Variants in KCTD20 observed in about 807,000 individuals in gnomAD.
The protein encoded by KCTD20 is BTB/POZ domain-containing protein KCTD20.
In KCTD20, 30 loss-of-function variants were observed where a neutral mutation model predicts 39.6. The observed-to-expected ratio is 0.76, with a 90% CI of 0.57 to 1.03. The LOEUF is 1.03. Ranked by LOEUF, KCTD20 falls within the 50% of genes least tolerant of loss-of-function variation. The probability of loss-of-function intolerance (pLI) is 0.00; values close to 1 mark genes in which losing one functional copy is unlikely to be tolerated. For synonymous variants in KCTD20, 162 were observed against 180.6 expected (o/e 0.90, Z 0.83); for missense variants, 422 against 522.0 (o/e 0.81, Z 1.87).
chr6:36,485,476 C>T (rs1002392787), intron 7 of KCTD20, among the ~76,000 whole-genome samples: 43 of 148,128 alleles, frequency 2.9e-4, no homozygotes, highest in Non-Finnish European at 5.6e-4. Context: ...GTCTCTCCTA[C>T]GTGGAGTGGA....
Position 36,474,014 on chromosome 6 carries a change from T to C in KCTD20, c.161-775T>C, listed in dbSNP as rs771565103. On this transcript the variant is annotated intron_variant, in intron 2 of 7. Transcript: ENST00000373731. ...GTGAATTTCTAGGAAAAGTAATATA[T>C]TGGAAAATTAAAGACTATCATTATC... is the stretch of plus-strand genomic sequence containing the variant. Among the ~76,000 whole-genome samples, 75 of 152,234 alleles carry C rather than the reference T, an allele frequency of 4.9e-4. 2 individuals are homozygous for C. Among genetic ancestry groups the C allele is most frequent in the Non-Finnish European group, 2.2e-4 (15 of 68,046 alleles).
chr6:36,479,757 T>C (rs747180317), intron 5 of KCTD20, 46 bp downstream of exon 5: 2 of 1,413,520 alleles, frequency 1.4e-6, no homozygotes, highest in Admixed American at 4.4e-5. Context: ...AGCTGAACTT[T>C]CAGTTTTCTT....
At chr6:36,467,941 A>G (rs1031633925) in intron 1 of KCTD20, among the ~76,000 whole-genome samples, 1 of 152,184 alleles carries the variant, frequency 6.6e-6, no homozygotes, top group Non-Finnish European at 1.5e-5. Context: ...GTTTTTTAAA[A>G]ACTGTATGCT....
At position 36,443,073 on chromosome 6, in the gene KCTD20, T is replaced by C. The variant is rs1774920007; in HGVS notation, c.-85T>C. 1 of 151,714 alleles carries C rather than the reference T, an allele frequency of 6.6e-6. No individual in the cohort carries two copies. The highest frequency in any genetic ancestry group is 2.1e-4 in the South Asian group (1 of 4,836). 9.4% of individuals were successfully genotyped at this position (151,714 alleles called of 1,614,324 possible). A position where few individuals can be genotyped will look rare whatever the true frequency, so the allele number is the denominator to read the frequency against. On this transcript the variant is annotated 5_prime_UTR_variant, in exon 1 of 8. Coordinates refer to ENST00000373731, the MANE Select transcript of KCTD20 (RefSeq NM_173562.5). Reference sequence around the variant, plus strand: ...GGCCTGCGCGCGCCTCCCGGGCGGATTCCAGCCCCGAGCGGGACAGCGCGG... The same window carrying C: ...GGCCTGCGCGCGCCTCCCGGGCGGACTCCAGCCCCGAGCGGGACAGCGCGG...
At chr6:36,483,876 AC>A (rs1453452614) in intron 6 of KCTD20, among the ~76,000 whole-genome samples, 2 of 151,806 alleles carry the variant, frequency 1.3e-5, no homozygotes, top group African/African-American at 2.4e-5. Flanking sequence ...GTAAAAAAAA[AC>A]GGCAGAATCT....
At position 36,459,096 on chromosome 6, in the gene KCTD20, A is replaced by T. The variant is rs538028460; in HGVS notation, c.-46-10956A>T. ...CGAGGTGGGTGGATCACTTGATATC[A>T]AGGTCAAGAGTTTGAGACCAGCCTG... On this transcript the variant is annotated intron_variant, in intron 1 of 7. Coordinates refer to ENST00000373731, the MANE Select transcript of KCTD20 (RefSeq NM_173562.5). Among the ~76,000 whole-genome samples, 310 of 152,250 alleles carry T rather than the reference A, an allele frequency of 2.0e-3. 1 individual carries two copies. Among genetic ancestry groups the T allele is most frequent in the African/African-American group, 7.1e-3 (295 of 41,576 alleles).
intron 1 of KCTD20, among the ~76,000 whole-genome samples, chr6:36,446,613 C>A (rs554535962): frequency 1.2e-4 from 18 of 152,144 alleles, no homozygotes; most frequent in Admixed American, 7.2e-4. Flanking sequence ...ACAGGGAGAC[C>A]CTGTCTGTAT....
Position 36,488,706 on chromosome 6 carries a change from C to G in KCTD20, c.*1531C>G, listed in dbSNP as rs905836555. ...ATTTCGGATTTTTGGATTTGGGATG[C>G]TCATCCTGTGTAGGAGAGGCTACTC... On this transcript the variant is annotated 3_prime_UTR_variant, in exon 8 of 8. Coordinates refer to ENST00000373731, the MANE Select transcript of KCTD20 (RefSeq NM_173562.5). 2 of 152,320 alleles carry G rather than the reference C, an allele frequency of 1.3e-5. No individual in the cohort carries two copies. Among genetic ancestry groups the G allele is most frequent in the East Asian group, 3.9e-4 (2 of 5,192 alleles). The allele number at this position is 152,320 out of a possible 1,614,324, so 9.4% of individuals were successfully genotyped here.
At chr6:36,465,661 G>A (rs1373514066) in intron 1 of KCTD20, 1 of 152,116 alleles carries the variant, frequency 6.6e-6, no homozygotes, top group Non-Finnish European at 1.5e-5. Flanking sequence ...TTTCCAAGAT[G>A]GGGAGATGAT....
intron 1 of KCTD20, among the ~76,000 whole-genome samples, chr6:36,448,036 T>TATATAC (rs1485248578): frequency 2.7e-5 from 4 of 147,216 alleles, no homozygotes; most frequent in African/African-American, 1.0e-4. Flanking sequence ...TATATATATA[T>TATATAC]ATATTTGAAA....
chr6:36,454,385 A>C (rs1214529258), intron 1 of KCTD20, among the ~76,000 whole-genome samples: 1 of 148,172 alleles, frequency 6.7e-6, no homozygotes, highest in Non-Finnish European at 1.5e-5. Flanking sequence ...TCTGTCGCCC[A>C]GGCTGGAGTG....
At chr6:36,483,829 G>GTT (rs1776335854) in intron 6 of KCTD20, among the ~76,000 whole-genome samples, 1 of 149,882 alleles carries the variant, frequency 6.7e-6, no homozygotes, top group Non-Finnish European at 1.5e-5. Context: ...CCAAAACAGT[G>GTT]TTTTTAAAAC....
chr6:36,459,378 A>G (rs1376984995), intron 1 of KCTD20, among the ~76,000 whole-genome samples: 3 of 152,338 alleles, frequency 2.0e-5, no homozygotes, highest in South Asian at 2.1e-4. Flanking sequence ...GCCTTACACT[A>G]TATACCATAA....
chr6:36,471,447 A>G (rs557619765), intron 2 of KCTD20, among the ~76,000 whole-genome samples: 1 of 152,280 alleles, frequency 6.6e-6, no homozygotes, highest in African/African-American at 2.4e-5. Context: ...GTAGTGGCAG[A>G]GACTGACCAC....
At chr6:36,476,725 G>A (rs549857713) in intron 3 of KCTD20, among the ~76,000 whole-genome samples, 6 of 151,976 alleles carry the variant, frequency 3.9e-5, no homozygotes, top group South Asian at 2.1e-4. Context: ...ACTGTGCCTG[G>A]CCACAGCGAA....
intron 6 of KCTD20, among the ~76,000 whole-genome samples, chr6:36,483,268 T>TC (rs1776314901): frequency 6.8e-6 from 1 of 146,316 alleles, no homozygotes; most frequent in Non-Finnish European, 1.5e-5. Context: ...TTTTTCTTTT[T>TC]TTTTTTTTTT....
chr6:36,448,768 G>A lies in KCTD20; in HGVS notation c.-47+5657G>A, dbSNP rs145138725. On this transcript the variant is annotated intron_variant, in intron 1 of 7. Coordinates refer to ENST00000373731, the MANE Select transcript of KCTD20 (RefSeq NM_173562.5). ...TCACTGACTTCAAGAATGAAGCCGC[G>A]GAGCCTCGCGGTGAGTGTTACAATT... Among the ~76,000 whole-genome samples the A allele has an allele frequency of 6.6e-3, 1,003 of 152,226 alleles. 10 individuals are homozygous for A. The highest frequency in any genetic ancestry group is 0.021 in the African/African-American group (883 of 41,522).
rs993324318 is a variant in KCTD20, at chr6:36,490,602, C to A, written c.*3427C>A. The A allele has an allele frequency of 1.4e-4, 22 of 152,164 alleles. No individual in the cohort carries two copies. The highest frequency in any genetic ancestry group is 5.3e-4 in the African/African-American group (22 of 41,378). The allele number at this position is 152,164 out of a possible 1,614,324, so 9.4% of individuals were successfully genotyped here. On this transcript the variant is annotated 3_prime_UTR_variant, in exon 8 of 8. Transcript: ENST00000373731. ...GTGGCTCATGCCGGTAATCCCAGCACTTTGGGAGGCCAAGGTGGGAGGATC... is the reference window on the plus strand; with the variant it reads ...GTGGCTCATGCCGGTAATCCCAGCAATTTGGGAGGCCAAGGTGGGAGGATC...
intron 1 of KCTD20, chr6:36,452,681 G>C (rs376702867): frequency 6.6e-6 from 1 of 151,848 alleles, no homozygotes; most frequent in African/African-American, 2.4e-5. Context: ...GGGACTACAG[G>C]TGTACACCAT....
Sources: allele counts gnomAD v4.1 joint callset (sites outside exome capture counted in the v4.1 genomes callset), GRCh38; gene constraint gnomAD v4.1.1; transcripts MANE v1.5; gene names NCBI Gene and HGNC (gene_info 2026-07-23, HGNC 2026-07-21).